Variants in CACNB2 observed in about 807,000 individuals in gnomAD.
CACNB2 encodes voltage-dependent L-type calcium channel subunit beta-2.
Under a neutral mutation model 73.3 loss-of-function variants are expected in CACNB2, and 42 were observed. The observed-to-expected ratio is 0.57, with a 90% CI of 0.45 to 0.74. The LOEUF (loss-of-function observed/expected upper bound fraction) is 0.74, where lower values mean the gene tolerates loss of function less well. Ranked by LOEUF, CACNB2 falls within the 30% of genes least tolerant of loss-of-function variation. The pLI, the probability that CACNB2 is intolerant of heterozygous loss-of-function variation, is 0.00. For missense variants in CACNB2, 940 were observed against 853.0 expected, an observed-to-expected ratio of 1.10 and a Z score of -1.27; for synonymous variants, 348 against 310.3, an observed-to-expected ratio of 1.12 and a Z score of -1.28.
At chr10:18,228,024 T>A (rs1393225813) in intron 2 of CACNB2, among the ~76,000 whole-genome samples, 2 of 152,192 alleles carry the variant, frequency 1.3e-5, no homozygotes, top group African/African-American at 2.4e-5. Flanking sequence ...CATTTTTACA[T>A]TCTTTCAGGG....
At chr10:18,473,251 A>G (rs567382871) in intron 3 of CACNB2, among the ~76,000 whole-genome samples, 4 of 152,296 alleles carry the variant, frequency 2.6e-5, no homozygotes, top group Non-Finnish European at 5.9e-5. Flanking sequence ...ATAATATGGT[A>G]TGACCCATCT....
rs149797190 is a variant in CACNB2 at position 18,491,227 on chromosome 10, A to T, written c.334-7128A>T. ...TATTCATCAGTATTTATGATGGACC[A>T]TGCAGGAGTGAACTAGGAATGAGCT... On this transcript the variant is annotated intron_variant, in intron 3 of 13. Transcript: ENST00000324631. Among the ~76,000 whole-genome samples the T allele has an allele frequency of 1.3e-4, 20 of 152,350 alleles. No homozygotes were observed. In the East Asian group the frequency reaches 3.5e-3, roughly 26 times the overall value.
intron 2 of CACNB2, among the ~76,000 whole-genome samples, chr10:18,213,733 T>C (rs570322601): frequency 6.6e-6 from 1 of 152,354 alleles, no homozygotes; most frequent in African/African-American, 2.4e-5. Context: ...TTCTTTGATC[T>C]ATTTTAGGCT....
chr10:18,255,484 T>C (rs2037246587), intron 2 of CACNB2, among the ~76,000 whole-genome samples: 1 of 152,190 alleles, frequency 6.6e-6, no homozygotes, highest in Admixed American at 6.5e-5. Context: ...TATGCTTATG[T>C]GATTATTTGA....
At chr10:18,459,863 C>T (rs775759031) in intron 3 of CACNB2, among the ~76,000 whole-genome samples, 1 of 151,992 alleles carries the variant, frequency 6.6e-6, no homozygotes, top group South Asian at 2.1e-4. Flanking sequence ...CTGGGAATGA[C>T]GATGGGTGCC....
At chr10:18,532,245 G>A (rs986161468) in intron 10 of CACNB2, among the ~76,000 whole-genome samples, 2 of 152,108 alleles carry the variant, frequency 1.3e-5, no homozygotes, top group African/African-American at 4.8e-5. Context: ...TTAACGGAGT[G>A]TAAAGTATGT....
chr10:18,428,926 C>A (rs1433941545), intron 3 of CACNB2, among the ~76,000 whole-genome samples: 1 of 152,158 alleles, frequency 6.6e-6, no homozygotes, highest in Non-Finnish European at 1.5e-5. Flanking sequence ...GTTTTCTTAA[C>A]CTTACACACC....
chr10:18,147,705 C>A (rs1400179189), intron 1 of CACNB2, among the ~76,000 whole-genome samples: 3 of 150,970 alleles, frequency 2.0e-5, no homozygotes, highest in Non-Finnish European at 4.4e-5. Context: ...TTAACTAAAA[C>A]AATTACATAT....
chr10:18,390,621 A>G (rs896353027), intron 2 of CACNB2, among the ~76,000 whole-genome samples: 1 of 151,882 alleles, frequency 6.6e-6, no homozygotes, highest in African/African-American at 2.4e-5. Flanking sequence ...CATTGCTTGA[A>G]GAAATATCTT....
chr10:18,349,635 A>T (rs892885572), intron 2 of CACNB2, among the ~76,000 whole-genome samples: 2 of 152,002 alleles, frequency 1.3e-5, no homozygotes, highest in Non-Finnish European at 2.9e-5. Context: ...ATAGACTCAC[A>T]GAGTCTAGAA....
Position 18,220,114 on chromosome 10 carries a change from TATATATATATATATATATATATATA to T in CACNB2, c.213+69140_213+69164del, listed in dbSNP as rs1564353208. 4.6e-3 allele frequency among the ~76,000 whole-genome samples: 176 copies of T among 38,134 alleles called. 2 individuals are homozygous for T. The highest frequency in any genetic ancestry group is 8.7e-3 in the African/African-American group (103 of 11,846). The allele number at this position is 38,134 out of a possible 152,430, so 25.0% of individuals were successfully genotyped here. On this transcript the variant is annotated intron_variant, in intron 2 of 13. Coordinates refer to ENST00000324631, the MANE Select transcript of CACNB2 (RefSeq NM_201596.3). ...CTTCTCCTTTTTTTATTTTTTAATATATATATATATATATATATATATATATATATATATATATATACACACACAC... is the reference window on the plus strand; with the variant it reads ...CTTCTCCTTTTTTTATTTTTTAATATTATATATATATATATACACACACAC...
intron 2 of CACNB2, among the ~76,000 whole-genome samples, chr10:18,353,569 T>A (rs2041801328): frequency 6.6e-6 from 1 of 152,206 alleles, no homozygotes; most frequent in Non-Finnish European, 1.5e-5. Flanking sequence ...CCGATCTACG[T>A]TGATTCAGTA....
At chr10:18,221,770 A>G (rs902120126) in intron 2 of CACNB2, among the ~76,000 whole-genome samples, 33 of 152,196 alleles carry the variant, frequency 2.2e-4, no homozygotes, top group African/African-American at 7.5e-4. Flanking sequence ...AAGAAGTAAA[A>G]TGTTTGAAAA....
At chr10:18,438,976 G>GGTAAAGTGCTGGTA (rs1180407407) in intron 3 of CACNB2, among the ~76,000 whole-genome samples, 1 of 152,246 alleles carries the variant, frequency 6.6e-6, no homozygotes, top group African/African-American at 2.4e-5. Context: ...GCCAGCACGT[G>GGTAAAGTGCTGGTA]AATTGGTGGT....
chr10:18,210,186 G>A (rs1006792050), intron 2 of CACNB2, among the ~76,000 whole-genome samples: 1 of 152,216 alleles, frequency 6.6e-6, no homozygotes, highest in Non-Finnish European at 1.5e-5. Flanking sequence ...GGTGAGTAAT[G>A]AGGCTTTTAG....
intron 2 of CACNB2, among the ~76,000 whole-genome samples, chr10:18,309,028 CG>C (rs1452772769): frequency 6.6e-6 from 1 of 152,070 alleles, no homozygotes; most frequent in Non-Finnish European, 1.5e-5. Context: ...ACTTATTCCT[CG>C]GAAGTGATGC....
intron 3 of CACNB2, among the ~76,000 whole-genome samples, chr10:18,470,385 A>G (rs1249617355): frequency 1.4e-5 from 2 of 143,794 alleles, no homozygotes; most frequent in African/African-American, 2.5e-5. Context: ...TATATAGACT[A>G]TGATATACAG....
intron 2 of CACNB2, among the ~76,000 whole-genome samples, chr10:18,259,466 A>G (rs2037427326): frequency 6.7e-6 from 1 of 150,350 alleles, no homozygotes; most frequent in South Asian, 2.1e-4. Context: ...ACACTTTGGG[A>G]GGCCAAGCTT....
chr10:18,338,140 TG>T (rs2079646900), intron 2 of CACNB2, among the ~76,000 whole-genome samples: 1 of 152,204 alleles, frequency 6.6e-6, no homozygotes, highest in Non-Finnish European at 1.5e-5. Flanking sequence ...GCCTGTGGGT[TG>T]GGAAAAAATA....
Sources: allele counts gnomAD v4.1 joint callset (sites outside exome capture counted in the v4.1 genomes callset), GRCh38; gene constraint gnomAD v4.1.1; transcripts MANE v1.5; gene names NCBI Gene and HGNC (gene_info 2026-07-23, HGNC 2026-07-21).